Variants in CTNNA2 observed in about 807,000 individuals in gnomAD.
The protein encoded by CTNNA2 is catenin alpha 2.
Under a neutral mutation model 101.0 loss-of-function variants are expected in CTNNA2, and 42 were observed. The observed-to-expected ratio is 0.42, with a 90% confidence interval of 0.32 to 0.54. The LOEUF is 0.54. Ranked by LOEUF, CTNNA2 falls within the 20% of genes least tolerant of loss-of-function variation. The pLI is 0.14. For synonymous variants in CTNNA2, 450 were observed against 456.4 expected, an observed-to-expected ratio of 0.99 and a Z score of 0.18; for missense variants, 871 against 1,223.1, an observed-to-expected ratio of 0.71 and a Z score of 4.29.
At chr2:79,527,817 G>A (rs1672507599) in intron 1 of CTNNA2, among the ~76,000 whole-genome samples, 2 of 152,138 alleles carry the variant, frequency 1.3e-5, no homozygotes, top group South Asian at 4.1e-4. Context: ...TCTTAGATGT[G>A]TATTAAGGAG....
chr2:79,667,343 T>C (rs534169544), intron 2 of CTNNA2, among the ~76,000 whole-genome samples: 1 of 152,308 alleles, frequency 6.6e-6, no homozygotes, highest in Non-Finnish European at 1.5e-5. Flanking sequence ...TGGTTGGTTG[T>C]TTGGTTTTCT....
Position 80,553,241 on chromosome 2 carries a change from A to G in CTNNA2, c.1541-2452A>G, listed in dbSNP as rs541939820. The stretch of plus-strand genomic sequence containing the variant: ...TCCGTCTCAAAAAAAAAAATAAAAT[A>G]AAATAAAATAAAATTAGTCAATTAG... On this transcript the variant is annotated intron_variant, in intron 11 of 18. Transcript: ENST00000402739. 4.6e-5 allele frequency among the ~76,000 whole-genome samples: 7 copies of G among 151,638 alleles called. No individual in the cohort carries two copies. In the South Asian group the frequency reaches 1.0e-3, roughly 23 times the overall value.
At chr2:79,221,162 G>C (rs751106061) in intron 2 of CTNNA2, among the ~76,000 whole-genome samples, 30 of 151,750 alleles carry the variant, frequency 2.0e-4, no homozygotes, top group Non-Finnish European at 3.5e-4. Context: ...TTTTGTTGTT[G>C]TTTTGACACA....
intron 13 of CTNNA2, among the ~76,000 whole-genome samples, chr2:80,577,291 A>G (rs1695136871): frequency 1.3e-5 from 2 of 152,120 alleles, no homozygotes; most frequent in African/African-American, 4.8e-5. Flanking sequence ...AGTATCCTAA[A>G]GGGGATAGAG....
At chr2:80,320,527 A>T (rs1678576506) in intron 7 of CTNNA2, among the ~76,000 whole-genome samples, 1 of 151,898 alleles carries the variant, frequency 6.6e-6, no homozygotes, top group South Asian at 2.1e-4. Context: ...ATTTGAATTC[A>T]CCCCCCGATG....
At chr2:79,637,717 G>A (rs1323415263) in intron 1 of CTNNA2, among the ~76,000 whole-genome samples, 1 of 152,144 alleles carries the variant, frequency 6.6e-6, no homozygotes, top group Non-Finnish European at 1.5e-5. Flanking sequence ...TTAAAGTTGT[G>A]TATTTTCTTA....
At chr2:80,611,096 A>C (rs1203411632) in intron 17 of CTNNA2, among the ~76,000 whole-genome samples, 2 of 151,628 alleles carry the variant, frequency 1.3e-5, no homozygotes, top group African/African-American at 4.8e-5. Flanking sequence ...TTGTGAGCCA[A>C]TTCAGCTTAA....
At chr2:79,949,510 A>C (rs966244656) in intron 7 of CTNNA2, among the ~76,000 whole-genome samples, 1 of 152,162 alleles carries the variant, frequency 6.6e-6, no homozygotes, top group Non-Finnish European at 1.5e-5. Flanking sequence ...GCTCATCCCT[A>C]TAATCCCAGT....
chr2:79,976,393 T>C (rs1690844433), intron 7 of CTNNA2, among the ~76,000 whole-genome samples: 1 of 152,156 alleles, frequency 6.6e-6, no homozygotes, highest in Non-Finnish European at 1.5e-5. Context: ...CACAACTACC[T>C]TCTGCAGAAT....
At chr2:80,248,382 G>T (rs1453750938) in intron 7 of CTNNA2, among the ~76,000 whole-genome samples, 1 of 152,162 alleles carries the variant, frequency 6.6e-6, no homozygotes, top group Non-Finnish European at 1.5e-5. Flanking sequence ...ACTGTTATTT[G>T]TCTGTTGGGC....
chr2:79,844,788 G>T (rs1430060115), intron 3 of CTNNA2, among the ~76,000 whole-genome samples: 1 of 151,250 alleles, frequency 6.6e-6, no homozygotes, highest in Non-Finnish European at 1.5e-5. Flanking sequence ...ACTGCTTGAT[G>T]ATCAGCAGTG....
intron 7 of CTNNA2, among the ~76,000 whole-genome samples, chr2:79,918,227 ACT>A (rs1686401383): frequency 6.6e-6 from 1 of 151,744 alleles, no homozygotes; most frequent in Non-Finnish European, 1.5e-5. Context: ...ATCCTTAAAA[ACT>A]CTTTTGAATT....
intron 7 of CTNNA2, among the ~76,000 whole-genome samples, chr2:80,264,833 AG>A: frequency 6.6e-6 from 1 of 152,162 alleles, no homozygotes; most frequent in East Asian, 1.9e-4. Context: ...GTGGAGCTCA[AG>A]GTTTGTAGGA....
chr2:80,292,138 T>G (rs932808418), intron 7 of CTNNA2, among the ~76,000 whole-genome samples: 3 of 152,196 alleles, frequency 2.0e-5, no homozygotes, highest in Admixed American at 1.3e-4. Flanking sequence ...CCTTCCTGGC[T>G]ATGTGACCTT....
chr2:79,654,134 C>A (rs2104489984), intron 2 of CTNNA2, among the ~76,000 whole-genome samples: 1 of 152,266 alleles, frequency 6.6e-6, no homozygotes, highest in African/African-American at 2.4e-5. Context: ...ACAGTCTGTT[C>A]AAGGAGATCT....
At chr2:79,845,622 T>G (rs569332145) in intron 3 of CTNNA2, among the ~76,000 whole-genome samples, 4 of 152,248 alleles carry the variant, frequency 2.6e-5, no homozygotes, top group Admixed American at 6.5e-5. Context: ...TATTTTTGAG[T>G]TGGAAGGAGA....
chr2:79,382,647 T>C (rs1678052163), intron 4 of CTNNA2, among the ~76,000 whole-genome samples: 1 of 152,170 alleles, frequency 6.6e-6, no homozygotes, highest in Non-Finnish European at 1.5e-5. Context: ...CACTCTTCGC[T>C]CTGTCGCCCA....
chr2:80,087,865 T>TCA (rs2148815433), intron 7 of CTNNA2, among the ~76,000 whole-genome samples: 1 of 152,136 alleles, frequency 6.6e-6, no homozygotes, highest in South Asian at 2.1e-4. Context: ...TATTCCTCTC[T>TCA]CTCTCTCTCT....
chr2:79,279,640 G>T (rs963003906), intron 2 of CTNNA2, among the ~76,000 whole-genome samples: 1 of 152,084 alleles, frequency 6.6e-6, no homozygotes, highest in African/African-American at 2.4e-5. Flanking sequence ...TAGACAGAAT[G>T]CATTGAGTCT....
Sources: allele counts gnomAD v4.1 joint callset (sites outside exome capture counted in the v4.1 genomes callset), GRCh38; gene constraint gnomAD v4.1.1; transcripts MANE v1.5; gene names NCBI Gene and HGNC (gene_info 2026-07-23, HGNC 2026-07-21).